Variants in PTPRD observed in about 807,000 individuals in gnomAD.
PTPRD encodes receptor-type tyrosine-protein phosphatase delta.
In PTPRD, 34 loss-of-function variants were observed where a neutral mutation model predicts 214.5. The ratio of observed to expected loss-of-function variants is 0.16; its 90% CI spans 0.12 to 0.21. The LOEUF is 0.21. PTPRD is among the 10% of genes least tolerant of loss of function. The pLI, the probability that PTPRD is intolerant of heterozygous loss-of-function variation, is 1.00. For missense variants in PTPRD, 2,545 were observed against 2,398.7 expected (o/e 1.06, Z -1.27); for synonymous variants, 1,128 against 845.7 (o/e 1.33, Z -5.79).
chr9:9,454,668 T>C (rs963582152), intron 8 of PTPRD, among the ~76,000 whole-genome samples: 3 of 151,690 alleles, frequency 2.0e-5, no homozygotes, highest in East Asian at 3.9e-4. Flanking sequence ...TAACTGTAAA[T>C]TACATATAGT....
chr9:9,207,507 G>T (rs1204371248), intron 9 of PTPRD, among the ~76,000 whole-genome samples: 1 of 152,066 alleles, frequency 6.6e-6, no homozygotes, highest in East Asian at 1.9e-4. Context: ...AAAGCTATTA[G>T]ACTGACAAAA....
intron 10 of PTPRD, among the ~76,000 whole-genome samples, chr9:9,084,805 T>C (rs941182540): frequency 7.2e-5 from 11 of 152,098 alleles, no homozygotes; most frequent in Admixed American, 3.3e-4. Flanking sequence ...GTTGTTTTGA[T>C]CTCTCATCAA....
chr9:9,612,949 A>C (rs1312664969), intron 7 of PTPRD, among the ~76,000 whole-genome samples: 2 of 151,626 alleles, frequency 1.3e-5, no homozygotes, highest in Non-Finnish European at 2.9e-5. Context: ...TTTTAAAATC[A>C]CACTTCTGTA....
At chr9:9,262,714 C>G (rs2099980680) in intron 9 of PTPRD, among the ~76,000 whole-genome samples, 2 of 151,520 alleles carry the variant, frequency 1.3e-5, no homozygotes, top group African/African-American at 4.8e-5. Flanking sequence ...ATAACAGAAT[C>G]CAGAAATTTG....
At chr9:8,920,915 G>A (rs1282255699) in intron 11 of PTPRD, among the ~76,000 whole-genome samples, 1 of 152,148 alleles carries the variant, frequency 6.6e-6, no homozygotes, top group South Asian at 2.1e-4. Flanking sequence ...ACAGGATCAA[G>A]CGATTCTCCT....
At chr9:8,639,631 G>A (rs760713897) in intron 12 of PTPRD, among the ~76,000 whole-genome samples, 4 of 152,140 alleles carry the variant, frequency 2.6e-5, no homozygotes, top group Admixed American at 6.5e-5. Flanking sequence ...AAGGGATACC[G>A]TTGCATTTCT....
At chr9:9,941,385 T>A (rs1017651533) in intron 4 of PTPRD, among the ~76,000 whole-genome samples, 1 of 152,202 alleles carries the variant, frequency 6.6e-6, no homozygotes, top group Non-Finnish European at 1.5e-5. Context: ...GGCAGTGGCA[T>A]GATCTCAGCT....
chr9:8,777,804 C>T (rs902020132), intron 11 of PTPRD, among the ~76,000 whole-genome samples: 2 of 152,084 alleles, frequency 1.3e-5, no homozygotes, highest in African/African-American at 4.8e-5. Context: ...TCCTATGGGA[C>T]CTAATTTTAG....
At chr9:10,278,482 T>C (rs1003001138) in intron 3 of PTPRD, among the ~76,000 whole-genome samples, 2 of 152,158 alleles carry the variant, frequency 1.3e-5, no homozygotes, top group Non-Finnish European at 2.9e-5. Context: ...TCTGGCTTCA[T>C]CTAATTTGCA....
chr9:10,544,245 G>C (rs893656951), intron 2 of PTPRD, among the ~76,000 whole-genome samples: 5 of 151,922 alleles, frequency 3.3e-5, no homozygotes, highest in African/African-American at 1.2e-4. Context: ...GAAATAAAGT[G>C]CTAAGGATAA....
chr9:9,434,895 T>G (rs1447253263), intron 8 of PTPRD, among the ~76,000 whole-genome samples: 1 of 148,686 alleles, frequency 6.7e-6, no homozygotes, highest in East Asian at 1.9e-4. Flanking sequence ...TTATATAATA[T>G]TCTTATCAGA....
At chr9:9,933,707 T>G (rs763895406) in intron 5 of PTPRD, among the ~76,000 whole-genome samples, 1 of 146,028 alleles carries the variant, frequency 6.8e-6, no homozygotes, top group Non-Finnish European at 1.5e-5. Context: ...GGAATTGAAC[T>G]CAGCTCTGCA....
chr9:8,733,780 T>C lies in PTPRD; in HGVS notation c.64A>G (p.Thr22Ala). The change falls in exon 12 of 46, where the codon ACA becomes GCA. Residue 22 changes from threonine to alanine, a missense_variant and splice_region_variant. Coordinates refer to ENST00000381196, the MANE Select transcript of PTPRD (RefSeq NM_002839.4). ...CCTAGAGAAGGGGAGAATGGCTTAC[T>C]CTCAGCATCCGTGCGGAGGAAGAAA... The part of the protein sequence containing the change: ...LTFFLRTDAE[T>A]PPRFTRTPVD... 1 of 1,552,454 alleles carries C rather than the reference T, an allele frequency of 6.4e-7. No individual in the cohort carries two copies. Among genetic ancestry groups the C allele is most frequent in the Non-Finnish European group, 8.7e-7 (1 of 1,147,324 alleles).
At chr9:9,111,422 C>A (rs12352800) in intron 10 of PTPRD, among the ~76,000 whole-genome samples, 3,964 of 151,912 alleles carry the variant, frequency 0.026, 97 homozygotes, top group East Asian at 0.069. Flanking sequence ...TTTTCTGTGC[C>A]TGCTGGGTGA....
intron 8 of PTPRD, among the ~76,000 whole-genome samples, chr9:9,482,949 A>G (rs553407943): frequency 5.3e-5 from 8 of 152,326 alleles, no homozygotes; most frequent in Non-Finnish European, 8.8e-5. Context: ...TTTCTTAAGT[A>G]AAGCCAGTAA....
At chr9:9,860,449 G>C (rs950633967) in intron 5 of PTPRD, among the ~76,000 whole-genome samples, 4 of 152,128 alleles carry the variant, frequency 2.6e-5, no homozygotes, top group Non-Finnish European at 4.4e-5. Context: ...CACTTTTCAT[G>C]GTTTCTTGTT....
At chr9:8,687,857 G>A (rs542016288) in intron 12 of PTPRD, among the ~76,000 whole-genome samples, 3 of 151,828 alleles carry the variant, frequency 2.0e-5, no homozygotes, top group Non-Finnish European at 4.4e-5. Flanking sequence ...GAGATGATGA[G>A]GTTATTTGAT....
At chr9:8,843,859 G>T (rs771094621) in intron 11 of PTPRD, among the ~76,000 whole-genome samples, 2 of 152,150 alleles carry the variant, frequency 1.3e-5, no homozygotes, top group African/African-American at 2.4e-5. Flanking sequence ...GACCAAGATG[G>T]AGAGGTCAGC....
intron 10 of PTPRD, among the ~76,000 whole-genome samples, chr9:9,118,529 T>C (rs142142167): frequency 6.6e-6 from 1 of 152,326 alleles, no homozygotes; most frequent in African/African-American, 2.4e-5. Context: ...AGAATCTAAA[T>C]AGCTATTCTA....
Sources: gnomAD v4.1 joint callset for allele counts (sites outside exome capture counted in the v4.1 genomes callset) on GRCh38, gnomAD v4.1.1 for gene constraint, MANE v1.5 for transcripts, NCBI Gene and HGNC (gene_info 2026-07-23, HGNC 2026-07-21) for gene names.